ZNF385D: variants seen among roughly 807,000 people sequenced by gnomAD.
The protein encoded by ZNF385D is zinc finger protein 385D.
A neutral mutation model predicts 35.8 loss-of-function variants in ZNF385D; 15 were observed. That is an observed-to-expected ratio of 0.42 (90% CI 0.28 to 0.64). The LOEUF is 0.64. Ranked by LOEUF, ZNF385D falls within the 30% of genes least tolerant of loss-of-function variation. The probability of loss-of-function intolerance (pLI) is 0.23; values close to 1 mark genes in which losing one functional copy is unlikely to be tolerated. For missense variants in ZNF385D, 474 were observed against 494.6 expected, an observed-to-expected ratio of 0.96 and a Z score of 0.39; for synonymous variants, 212 against 186.8, an observed-to-expected ratio of 1.13 and a Z score of -1.10.
At chr3:22,011,059 T>A (rs1364589785) in intron 3 of ZNF385D, among the ~76,000 whole-genome samples, 1 of 152,186 alleles carries the variant, frequency 6.6e-6, no homozygotes, top group Non-Finnish European at 1.5e-5. Context: ...GATACATGGA[T>A]TTCTACAAAA....
At chr3:21,733,587 A>G (rs112712550) in intron 1 of ZNF385D, among the ~76,000 whole-genome samples, 11 of 152,182 alleles carry the variant, frequency 7.2e-5, no homozygotes, top group Non-Finnish European at 2.9e-5. Flanking sequence ...AGCACAAGTT[A>G]TTAATTTTAT....
chr3:22,049,059 G>C (rs922410607), intron 3 of ZNF385D, among the ~76,000 whole-genome samples: 6 of 152,094 alleles, frequency 3.9e-5, no homozygotes, highest in Admixed American at 2.0e-4. Flanking sequence ...CACTGTGCGA[G>C]GCCTATGTGG....
intron 4 of ZNF385D, among the ~76,000 whole-genome samples, chr3:21,448,654 A>T (rs1022077004): frequency 3.3e-5 from 5 of 152,170 alleles, no homozygotes; most frequent in Admixed American, 3.3e-4. Flanking sequence ...ACTGTTTGGA[A>T]AATAATACGA....
In ZNF385D at chr3:21,585,657, G is replaced by A. The variant is rs907767469; in HGVS notation, c.166-20973C>T. Among the ~76,000 whole-genome samples, 9 of 152,302 alleles carry A rather than the reference G, an allele frequency of 5.9e-5. No individual in the cohort carries two copies. The East Asian group carries it at 1.4e-3, about 23-fold the overall frequency. ...TTAAGAAAAACAAATCGTGGATCAA[G>A]TGTCAGTCTACTAAGCCAAATTTCA... On this transcript the variant is annotated intron_variant, in intron 2 of 7. Coordinates refer to ENST00000281523, the MANE Select transcript of ZNF385D (RefSeq NM_024697.3).
intron 2 of ZNF385D, among the ~76,000 whole-genome samples, chr3:22,303,935 G>T (rs143854598): frequency 2.0e-5 from 3 of 151,980 alleles, no homozygotes; most frequent in Admixed American, 6.6e-5. Flanking sequence ...GTGCCACCAC[G>T]CCCGGCTAAT....
chr3:21,694,002 CTG>C (rs1361428803), intron 1 of ZNF385D, among the ~76,000 whole-genome samples: 1 of 142,106 alleles, frequency 7.0e-6, no homozygotes, highest in Non-Finnish European at 1.5e-5. Context: ...CCTCAGCCTC[CTG>C]CGTAGCTGGG....
intron 3 of ZNF385D, among the ~76,000 whole-genome samples, chr3:22,146,219 C>G (rs1033160952): frequency 2.0e-5 from 3 of 152,134 alleles, no homozygotes; most frequent in Non-Finnish European, 2.9e-5. Context: ...TAGGATTTCA[C>G]CTCACAGTTC....
intron 3 of ZNF385D, among the ~76,000 whole-genome samples, chr3:21,817,030 C>CACAT (rs1018745894): frequency 6.6e-6 from 1 of 152,150 alleles, no homozygotes; most frequent in African/African-American, 2.4e-5. Context: ...AATAATACCA[C>CACAT]ACATGTATAA....
chr3:21,903,354 G>C (rs1470631011), intron 3 of ZNF385D, among the ~76,000 whole-genome samples: 4 of 152,108 alleles, frequency 2.6e-5, no homozygotes, highest in Non-Finnish European at 5.9e-5. Flanking sequence ...GCAAGATTTG[G>C]TGCAATGATT....
At position 21,418,182 on chromosome 3, in the gene ZNF385D, T is replaced by C. The variant is rs951696372; in HGVS notation, c.*3032A>G. ...AAATGAATCAGAGCTGCTTTCTCTA[T>C]CACTTTCCTTGCCATGGTGTGATGC... On this transcript the variant is annotated 3_prime_UTR_variant, in exon 8 of 8. Transcript: ENST00000281523. The C allele has an allele frequency of 2.6e-5, 4 of 152,142 alleles. No homozygotes were observed. Among genetic ancestry groups the C allele is most frequent in the African/African-American group, 4.8e-5 (2 of 41,452 alleles). The allele number at this position is 152,142 out of a possible 1,614,324, so 9.4% of individuals were successfully genotyped here.
chr3:21,991,291 T>C (rs930545220), intron 3 of ZNF385D, among the ~76,000 whole-genome samples: 1 of 152,180 alleles, frequency 6.6e-6, no homozygotes, highest in African/African-American at 2.4e-5. Context: ...TTTAAAATTG[T>C]AGTTATAATA....
At chr3:21,645,838 T>G (rs766486434) in intron 2 of ZNF385D, among the ~76,000 whole-genome samples, 2 of 152,208 alleles carry the variant, frequency 1.3e-5, no homozygotes, top group Non-Finnish European at 2.9e-5. Flanking sequence ...TTTTTTCAGT[T>G]GACCTTTTCT....
chr3:21,945,579 T>C (rs750452526), intron 3 of ZNF385D, among the ~76,000 whole-genome samples: 1 of 152,198 alleles, frequency 6.6e-6, no homozygotes, highest in Non-Finnish European at 1.5e-5. Flanking sequence ...ATAAAGTAGG[T>C]TGAACAAATG....
rs574154463 is a variant in ZNF385D at position 21,798,890 on chromosome 3, C to T, written c.326-133862G>A. 8.5e-5 allele frequency among the ~76,000 whole-genome samples: 13 copies of T among 152,192 alleles called. No individual in the cohort carries two copies. The South Asian group carries it at 2.3e-3, about 27-fold the overall frequency. On this transcript the variant is annotated intron_variant, in intron 3 of 5. Transcript: ENST00000494108. ...AATTCACAATGTTGTGCAATAATAA[C>T]GTCTATATAGTTAAAAAATATTTTC...
intron 2 of ZNF385D, among the ~76,000 whole-genome samples, chr3:21,662,257 A>C (rs937591800): frequency 3.9e-5 from 6 of 152,250 alleles, no homozygotes; most frequent in African/African-American, 1.4e-4. Flanking sequence ...CAGGTGCCTA[A>C]AGGGTCATGC....
intron 3 of ZNF385D, among the ~76,000 whole-genome samples, chr3:22,022,306 CATTA>C (rs1243229230): frequency 6.6e-6 from 1 of 152,070 alleles, no homozygotes; most frequent in Non-Finnish European, 1.5e-5. Flanking sequence ...GTTTATCGTA[CATTA>C]ATTACTGAAT....
chr3:21,787,939 C>A (rs2071761813), intron 3 of ZNF385D, among the ~76,000 whole-genome samples: 1 of 70,280 alleles, frequency 1.4e-5, no homozygotes, highest in African/African-American at 5.4e-5. Flanking sequence ...GAGACTTCGT[C>A]TCAACAAAAA....
intron 3 of ZNF385D, among the ~76,000 whole-genome samples, chr3:21,959,393 G>T (rs1407160045): frequency 6.6e-6 from 1 of 152,060 alleles, no homozygotes; most frequent in Non-Finnish European, 1.5e-5. Context: ...AACGGTAAGA[G>T]AAAATAATTT....
At chr3:21,583,153 C>A (rs1010411835) in intron 2 of ZNF385D, among the ~76,000 whole-genome samples, 1 of 152,080 alleles carries the variant, frequency 6.6e-6, no homozygotes, top group African/African-American at 2.4e-5. Flanking sequence ...TGATTGGTGG[C>A]TTCCTATATA....
Sources: gnomAD v4.1 joint callset for allele counts (sites outside exome capture counted in the v4.1 genomes callset) on GRCh38, gnomAD v4.1.1 for gene constraint, MANE v1.5 for transcripts, NCBI Gene and HGNC (gene_info 2026-07-23, HGNC 2026-07-21) for gene names.